Variants in MYO9A observed in about 807,000 individuals in gnomAD.
The protein encoded by MYO9A is myosin IXA, also known as unconventional myosin-IXa.
In MYO9A, 103 loss-of-function variants were observed where a neutral mutation model predicts 293.3. The ratio of observed to expected loss-of-function variants is 0.35; its 90% confidence interval spans 0.30 to 0.41. The LOEUF (loss-of-function observed/expected upper bound fraction) is 0.41, where lower values mean the gene tolerates loss of function less well. MYO9A is among the 10% of genes least tolerant of loss of function. The pLI is 1.00. For synonymous variants in MYO9A, 1,001 were observed against 1,035.7 expected (o/e 0.97, Z 0.64); for missense variants, 2,685 against 3,033.0 (o/e 0.89, Z 2.69).
chr15:71,845,254 G>A (rs2055333274), intron 39 of MYO9A, among the ~76,000 whole-genome samples: 1 of 151,960 alleles, frequency 6.6e-6, no homozygotes, highest in Admixed American at 6.5e-5. Flanking sequence ...ATATCCCAAT[G>A]CCTGCAGTTA....
At chr15:72,058,093 T>C (rs1325335946) in intron 1 of MYO9A, among the ~76,000 whole-genome samples, 4 of 152,224 alleles carry the variant, frequency 2.6e-5, no homozygotes, top group African/African-American at 9.6e-5. Context: ...TTATTTGCTA[T>C]GCAAACTTTA....
intron 14 of MYO9A, among the ~76,000 whole-genome samples, chr15:71,956,330 A>ATATATATATATAT (rs1555490831): frequency 0.039 from 2,977 of 75,506 alleles, 194 homozygotes; most frequent in South Asian, 0.051. Context: ...AAAAAAAAAA[A>ATATATATATATAT]ATATATATAT....
intron 1 of MYO9A, among the ~76,000 whole-genome samples, chr15:72,077,676 G>A (rs567752191): frequency 6.8e-6 from 1 of 146,110 alleles, no homozygotes; most frequent in Non-Finnish European, 1.5e-5. Flanking sequence ...GTTGCAGTGA[G>A]CCAAGATCAT....
In MYO9A at chr15:71,822,450, A is replaced by G. The variant is rs1256687512; in HGVS notation, c.*4130T>C. The G allele has an allele frequency of 6.6e-6, 1 of 152,226 alleles. No individual in the cohort carries two copies. Among genetic ancestry groups the G allele is most frequent in the African/African-American group, 2.4e-5 (1 of 41,450 alleles). 9.4% of individuals were successfully genotyped at this position (152,226 alleles called of 1,614,324 possible). A position where few individuals can be genotyped will look rare whatever the true frequency, so the allele number is the denominator to read the frequency against. On this transcript the variant is annotated 3_prime_UTR_variant, in exon 42 of 42. Coordinates refer to ENST00000356056, the MANE Select transcript of MYO9A (RefSeq NM_006901.4). ...CCCCCCAGCAAAGAAAAAAAAACAA[A>G]AAGGAAATTACAAAGTGCCTATTGA...
At chr15:71,924,679 G>C (rs1300679987) in intron 18 of MYO9A, among the ~76,000 whole-genome samples, 1 of 152,080 alleles carries the variant, frequency 6.6e-6, no homozygotes, top group Non-Finnish European at 1.5e-5. Context: ...CCAGCACTTT[G>C]AGAGGCCAAG....
intron 1 of MYO9A, among the ~76,000 whole-genome samples, chr15:72,067,408 C>T (rs976275266): frequency 6.6e-6 from 1 of 151,982 alleles, no homozygotes; most frequent in African/African-American, 2.4e-5. Context: ...CTCAGCCTCC[C>T]GAGCAGCTGG....
chr15:72,010,858 G>A (rs553178262), intron 6 of MYO9A, among the ~76,000 whole-genome samples: 156 of 152,172 alleles, frequency 1.0e-3, no homozygotes, highest in Non-Finnish European at 1.9e-3. Flanking sequence ...TTTAACAAGT[G>A]CCTACCCTAT....
intron 11 of MYO9A, among the ~76,000 whole-genome samples, chr15:71,987,571 A>G (rs1188164721): frequency 6.6e-6 from 1 of 152,088 alleles, no homozygotes; most frequent in Non-Finnish European, 1.5e-5. Flanking sequence ...GTTCCAATCA[A>G]CCCCATCCTT....
chr15:71,920,844 G>T (rs764467018), intron 18 of MYO9A, among the ~76,000 whole-genome samples: 2 of 152,078 alleles, frequency 1.3e-5, no homozygotes, highest in Non-Finnish European at 2.9e-5. Flanking sequence ...CTACTTGGGT[G>T]GCTGGGGCAC....
At chr15:72,035,869 C>T (rs2078031230) in intron 2 of MYO9A, among the ~76,000 whole-genome samples, 1 of 151,930 alleles carries the variant, frequency 6.6e-6, no homozygotes, top group African/African-American at 2.4e-5. Flanking sequence ...AAAACAAAAA[C>T]AGCTGCAATG....
chr15:72,008,063 T>C, intron 7 of MYO9A, 111 bp from the exon 8 acceptor site: 1 of 1,308,820 alleles, frequency 7.6e-7, no homozygotes, highest in Non-Finnish European at 1.0e-6. Context: ...TATTTAGTCT[T>C]TGGAAAATAA....
At chr15:72,109,641 C>A (rs1242525253) in intron 1 of MYO9A, among the ~76,000 whole-genome samples, 1 of 152,124 alleles carries the variant, frequency 6.6e-6, no homozygotes, top group Non-Finnish European at 1.5e-5. Flanking sequence ...GTAATCACAG[C>A]ATTTTGGGAG....
intron 1 of MYO9A, among the ~76,000 whole-genome samples, chr15:72,111,558 G>A (rs1367103251): frequency 2.0e-5 from 3 of 151,510 alleles, no homozygotes; most frequent in Admixed American, 6.6e-5. Flanking sequence ...GACTTACTGA[G>A]TACCTACTAT....
At chr15:71,845,690 A>T (rs2055354139) in intron 39 of MYO9A, among the ~76,000 whole-genome samples, 1 of 152,210 alleles carries the variant, frequency 6.6e-6, no homozygotes, top group South Asian at 2.1e-4. Flanking sequence ...GTTTTTAAAA[A>T]GTCAGTTTCA....
At chr15:72,064,620 C>G (rs2078967687) in intron 1 of MYO9A, among the ~76,000 whole-genome samples, 1 of 152,156 alleles carries the variant, frequency 6.6e-6, no homozygotes, top group Non-Finnish European at 1.5e-5. Context: ...ATGATCTGTG[C>G]ATTTTATTGT....
chr15:71,960,135 A>G, intron 13 of MYO9A, 39 bp from the exon 14 acceptor site: 1 of 1,565,022 alleles, frequency 6.4e-7, no homozygotes, highest in Non-Finnish European at 8.8e-7. Context: ...ATGGGAAAAA[A>G]AAATTATGAA....
At chr15:71,831,289 C>T (rs1469529014) in intron 39 of MYO9A, among the ~76,000 whole-genome samples, 1 of 152,182 alleles carries the variant, frequency 6.6e-6, no homozygotes, top group Non-Finnish European at 1.5e-5. Flanking sequence ...CACTGGAATA[C>T]ATTTATCTCA....
intron 15 of MYO9A, among the ~76,000 whole-genome samples, chr15:71,945,691 T>C (rs1271645266): frequency 6.6e-6 from 1 of 150,990 alleles, no homozygotes; most frequent in Non-Finnish European, 1.5e-5. Flanking sequence ...ATTAATGAAT[T>C]TGTTGACTAC....
In MYO9A at chr15:71,947,785, C is replaced by A. The variant is rs77221860; in HGVS notation, c.2302+3992G>T. On this transcript the variant is annotated intron_variant, in intron 15 of 41. Coordinates refer to ENST00000356056, the MANE Select transcript of MYO9A (RefSeq NM_006901.4). ...TTGCTGATCCTTCATCTTGCTGATG[C>A]ACATCATATTCTCAATCATCCCAAA... Among the ~76,000 whole-genome samples, 901 of 152,250 alleles carry A rather than the reference C, an allele frequency of 5.9e-3. 11 individuals are homozygous for A. Among genetic ancestry groups the A allele is most frequent in the African/African-American group, 0.019 (798 of 41,526 alleles).
Sources: gnomAD v4.1 joint callset for allele counts (sites outside exome capture counted in the v4.1 genomes callset) on GRCh38, gnomAD v4.1.1 for gene constraint, MANE v1.5 for transcripts, NCBI Gene and HGNC (gene_info 2026-07-23, HGNC 2026-07-21) for gene names.